The following GALNT9 variants were observed in gnomAD, a reference collection of about 807,000 sequenced individuals.
GALNT9 encodes polypeptide N-acetylgalactosaminyltransferase 9, also known as GalNAc transferase 9.
A neutral mutation model predicts 63.1 loss-of-function variants in GALNT9; 47 were observed. That is an observed-to-expected ratio of 0.75 (90% CI 0.59 to 0.95). The LOEUF (loss-of-function observed/expected upper bound fraction) is 0.95, where lower values mean the gene tolerates loss of function less well. Among genes scored for constraint, GALNT9 ranks in the 40% least tolerant of loss-of-function variants. The probability of loss-of-function intolerance (pLI) is 0.00; values close to 1 mark genes in which losing one functional copy is unlikely to be tolerated. For missense variants in GALNT9, 829 were observed against 874.8 expected (o/e 0.95, Z 0.66); for synonymous variants, 396 against 365.7 (o/e 1.08, Z -0.94).
At chr12:132,240,747 C>T (rs2136899386) in intron 6 of GALNT9, 2 of 455,666 alleles carry the variant, frequency 4.4e-6, no homozygotes, top group African/African-American at 2.0e-5. Flanking sequence ...TTACCAGAAC[C>T]TGATCACCAG....
intron 10 of GALNT9, 94 bp from the exon 11 acceptor site, chr12:132,197,347 G>C (rs902210662): frequency 1.6e-5 from 24 of 1,536,058 alleles, no homozygotes; most frequent in Non-Finnish European, 1.7e-5. Flanking sequence ...CTCAGCCCTC[G>C]TGCTCATTCT....
At position 132,197,976 on chromosome 12, in the gene GALNT9, C is replaced by G. The variant is rs756960507; in HGVS notation, c.1498-17G>C. On this transcript the variant is annotated splice_polypyrimidine_tract_variant and intron_variant, in intron 9 of 10. Transcript: ENST00000328957. ...CCGCACCAGCTGGGGACAGGACCACCGGGACTGTGTGTGAGCAGCGCCCAG... is the reference window on the plus strand; with the variant it reads ...CCGCACCAGCTGGGGACAGGACCACGGGGACTGTGTGTGAGCAGCGCCCAG... The G allele has an allele frequency of 1.3e-6, 2 of 1,594,370 alleles. No homozygotes were observed. The highest frequency in any genetic ancestry group is 4.5e-5 in the East Asian group (2 of 44,386).
chr12:132,328,262 C>T (rs1234470825), intron 1 of GALNT9, among the ~76,000 whole-genome samples: 11 of 152,162 alleles, frequency 7.2e-5, no homozygotes, highest in Non-Finnish European at 2.9e-5. Flanking sequence ...ACAGACCCAC[C>T]GGGAGCTGGA....
intron 2 of GALNT9, among the ~76,000 whole-genome samples, chr12:132,267,747 A>ACACACACT (rs1266414768): frequency 6.9e-6 from 1 of 144,656 alleles, no homozygotes; most frequent in African/African-American, 2.9e-5. Context: ...ATACACAAGC[A>ACACACACT]CACACACTCA....
intron 8 of GALNT9, 102 bp downstream of exon 8, chr12:132,201,022 G>C: frequency 1.7e-6 from 2 of 1,172,682 alleles, no homozygotes; most frequent in African/African-American, 1.5e-5. Flanking sequence ...CTACCTCTCC[G>C]TGTGCATGTG....
chr12:132,250,094 G>A (rs1555238404), intron 5 of GALNT9, among the ~76,000 whole-genome samples: 2 of 152,244 alleles, frequency 1.3e-5, no homozygotes, highest in East Asian at 1.9e-4. Context: ...CCAGGCTGTG[G>A]ACCGCAATTC....
chr12:132,215,106 C>T (rs1362245503), intron 6 of GALNT9, among the ~76,000 whole-genome samples: 4 of 152,238 alleles, frequency 2.6e-5, no homozygotes, highest in Non-Finnish European at 5.9e-5. Flanking sequence ...GGAAACGCGA[C>T]ACAATCGCTG....
chr12:132,276,804 T>C (rs1187131619), intron 2 of GALNT9, among the ~76,000 whole-genome samples: 1 of 152,214 alleles, frequency 6.6e-6, no homozygotes, highest in Admixed American at 6.5e-5. Context: ...GCATCTACCG[T>C]CTGACAAAGA....
chr12:132,230,244 C>T (rs1377174461), intron 6 of GALNT9, among the ~76,000 whole-genome samples: 2 of 152,330 alleles, frequency 1.3e-5, no homozygotes, highest in Admixed American at 6.5e-5. Context: ...CCTTGCTGGA[C>T]GTCCTGCCTG....
At chr12:132,262,336 C>G (rs1422687912) in intron 3 of GALNT9, 123 bp downstream of exon 3, 1 of 1,294,736 alleles carries the variant, frequency 7.7e-7, no homozygotes, top group East Asian at 2.6e-5. Flanking sequence ...GGTTTAGAGC[C>G]CCTGCGGACA....
In GALNT9 at chr12:132,247,846, T is replaced by C. The variant is rs1198832502; in HGVS notation, c.1077+64A>G. 1.2e-5 allele frequency: 18 copies of C among 1,534,702 alleles called. No homozygotes were observed. In the Admixed American group the frequency reaches 2.6e-4, roughly 22 times the overall value. ...ACCGCGGCCTCACTCGCCCTCATCCTGTTCCCAGACGCTGTGGCCTCACTC... is the reference window on the plus strand; with the variant it reads ...ACCGCGGCCTCACTCGCCCTCATCCCGTTCCCAGACGCTGTGGCCTCACTC... On this transcript the variant is annotated intron_variant, in intron 6 of 10. Coordinates refer to ENST00000328957, the MANE Select transcript of GALNT9 (RefSeq NM_001122636.2).
intron 6 of GALNT9, among the ~76,000 whole-genome samples, chr12:132,215,046 T>G (rs1365438046): frequency 1.3e-5 from 2 of 152,248 alleles, no homozygotes; most frequent in African/African-American, 2.4e-5. Context: ...GACTGGCCTG[T>G]CAGCGTCCTC....
chr12:132,213,458 CCA>C (rs1239150520), intron 6 of GALNT9, among the ~76,000 whole-genome samples: 1 of 118,746 alleles, frequency 8.4e-6, no homozygotes, highest in Admixed American at 8.9e-5. Flanking sequence ...ACTGTTACCC[CCA>C]CACACAGGCA....
chr12:132,218,882 A>G lies in GALNT9; in HGVS notation c.1078-15192T>C, dbSNP rs1239558247. Among the ~76,000 whole-genome samples the G allele has an allele frequency of 2.6e-5, 4 of 152,220 alleles. No homozygotes were observed. The East Asian group carries it at 7.7e-4, about 29-fold the overall frequency. Reference sequence around the variant, plus strand: ...CTGAGCATCTCAAACAAATGAGAGAAACAGCGTCTTCCTTCCAAACAAGTG... The same window carrying G: ...CTGAGCATCTCAAACAAATGAGAGAGACAGCGTCTTCCTTCCAAACAAGTG... On this transcript the variant is annotated intron_variant, in intron 6 of 10. Transcript: ENST00000328957.
At chr12:132,250,822 C>T (rs1878886157) in intron 5 of GALNT9, among the ~76,000 whole-genome samples, 1 of 152,112 alleles carries the variant, frequency 6.6e-6, no homozygotes. Context: ...TCAGCTCATG[C>T]CGAGGTAAGA....
chr12:132,282,552 G>C lies in GALNT9; in HGVS notation c.419+3698C>G, dbSNP rs1274562487. Among the ~76,000 whole-genome samples, 1 of 152,130 alleles carries C rather than the reference G, an allele frequency of 6.6e-6. No homozygotes were observed. Among genetic ancestry groups the C allele is most frequent in the East Asian group, 1.9e-4 (1 of 5,182 alleles). On this transcript the variant is annotated intron_variant, in intron 2 of 10. Coordinates refer to ENST00000328957, the MANE Select transcript of GALNT9 (RefSeq NM_001122636.2). This position sits in a 1 kb window ranked among gnomAD's most constrained non-coding sequence, Gnocchi z 4.5. ...GTGTTCAGACACTGGCCCCTTCTTG[G>C]GTTTCGTGAGGGACCCTGGAAGCTC...
In GALNT9 at chr12:132,203,416, C is replaced by CTAGGGGGCCT. The variant is rs931406791; in HGVS notation, c.1263+79_1263+88dup. 3.6e-5 allele frequency: 46 copies of CTAGGGGGCCT among 1,287,848 alleles called. No individual in the cohort carries two copies. In the Admixed American group the frequency reaches 9.4e-4, roughly 26 times the overall value. The allele number at this position is 1,287,848 out of a possible 1,614,324, so 79.8% of individuals were successfully genotyped here. On this transcript the variant is annotated intron_variant, in intron 7 of 10. Transcript: ENST00000328957. ...CACCCACTCACACCTGCAGGGGGCC[C>CTAGGGGGCCT]TAGGGGGCCTCCCTCCGGCCCAGCC...
At chr12:132,209,794 A>G (rs1876878396) in intron 6 of GALNT9, among the ~76,000 whole-genome samples, 3 of 152,238 alleles carry the variant, frequency 2.0e-5, no homozygotes, top group Admixed American at 2.0e-4. Flanking sequence ...TTTCCCAGAA[A>G]ACTCAGGAAT....
At chr12:132,307,423 G>A (rs1555244742) in intron 1 of GALNT9, among the ~76,000 whole-genome samples, 2 of 152,140 alleles carry the variant, frequency 1.3e-5, no homozygotes, top group African/African-American at 4.8e-5. Flanking sequence ...GAACCCATGA[G>A]TCTGTCAATT....
Sources: gnomAD v4.1 joint callset for allele counts (sites outside exome capture counted in the v4.1 genomes callset) on GRCh38, gnomAD v4.1.1 for gene constraint, Gnocchi (gnomAD v3.1) non-coding constraint, MANE v1.5 for transcripts, NCBI Gene and HGNC (gene_info 2026-07-23, HGNC 2026-07-21) for gene names.